Variants in TNS1 observed in about 807,000 individuals in gnomAD.
The protein encoded by TNS1 is tensin 1.
In TNS1, 62 loss-of-function variants were observed where a neutral mutation model predicts 168.6. The observed-to-expected ratio is 0.37, with a 90% CI of 0.30 to 0.45. The LOEUF (loss-of-function observed/expected upper bound fraction) is 0.45, where lower values mean the gene tolerates loss of function less well. Among genes scored for constraint, TNS1 ranks in the 20% least tolerant of loss-of-function variants. The pLI is 1.00. For missense variants in TNS1, 2,240 were observed against 2,339.4 expected, an observed-to-expected ratio of 0.96 and a Z score of 0.88; for synonymous variants, 934 against 933.2, an observed-to-expected ratio of 1.00 and a Z score of -0.02.
At chr2:217,824,314 C>G (rs1251865743) in intron 22 of TNS1, among the ~76,000 whole-genome samples, 1 of 152,224 alleles carries the variant, frequency 6.6e-6, no homozygotes, top group Non-Finnish European at 1.5e-5. Flanking sequence ...GCACCAAAGT[C>G]TCCAGACTCA....
intron 4 of TNS1, 95 bp from the exon 5 acceptor site, chr2:217,907,346 C>A: frequency 2.9e-6 from 2 of 686,000 alleles, no homozygotes; most frequent in South Asian, 1.5e-5. Flanking sequence ...GGGCAGAATG[C>A]CCCCTGAGAC....
rs1267172994 is a variant in TNS1 at position 217,967,150 on chromosome 2, TCTA to T, written c.186+11612_186+11614del. 3.3e-5 allele frequency among the ~76,000 whole-genome samples: 5 copies of T among 151,992 alleles called. No individual in the cohort carries two copies. The South Asian group carries it at 1.0e-3, about 32-fold the overall frequency. On this transcript the variant is annotated intron_variant, in intron 3 of 32. Coordinates refer to ENST00000682258, the MANE Select transcript of TNS1 (RefSeq NM_001387777.1). ...CTGGCTAACACGGTGAAACCCCATC[TCTA>T]CTAAAAATACAAAAAAAATTAGCCA...
chr2:218,002,747 C>CG (rs1958589629), intron 1 of TNS1, 93 bp downstream of exon 1: 1 of 455,296 alleles, frequency 2.2e-6, no homozygotes, highest in Non-Finnish European at 4.4e-6. Flanking sequence ...CCCCCGACCC[C>CG]GGGCTCTCAG....
At chr2:217,889,603 T>C (rs10174633) in intron 12 of TNS1, among the ~76,000 whole-genome samples, 22,091 of 152,260 alleles carry the variant, frequency 0.15, 1,990 homozygotes, top group East Asian at 0.45. Context: ...GGCCCTTCCA[T>C]TTGAATCAGC....
Position 217,858,500 on chromosome 2 carries a change from G to A in TNS1, c.1430-9413C>T, listed in dbSNP as rs369048186. 4.1e-4 allele frequency: 401 copies of A among 973,458 alleles called. 7 individuals carry two copies. The South Asian group carries it at 0.016, about 38-fold the overall frequency. 60.3% of individuals were successfully genotyped at this position (973,458 alleles called of 1,614,324 possible). ...GCCCAGCAGACACTTACCCTCTGGA[G>A]GGAGGGAGGGAGAGGGAGGAAGCGG... On this transcript the variant is annotated intron_variant, in intron 18 of 32. Coordinates refer to ENST00000682258, the MANE Select transcript of TNS1 (RefSeq NM_001387777.1).
intron 18 of TNS1, among the ~76,000 whole-genome samples, chr2:217,871,339 G>A (rs1949757666): frequency 1.3e-5 from 2 of 152,218 alleles, no homozygotes; most frequent in Non-Finnish European, 2.9e-5. Flanking sequence ...CAGGCCAGAA[G>A]GGCTATCCCC....
At chr2:218,031,202 G>C (rs1958893677) in intron 1 of TNS1, among the ~76,000 whole-genome samples, 1 of 146,582 alleles carries the variant, frequency 6.8e-6, no homozygotes, top group African/African-American at 2.7e-5. Context: ...CTGTATGTGT[G>C]TGAGTGTGTC....
chr2:218,019,054 G>A (rs575879379), intron 1 of TNS1, among the ~76,000 whole-genome samples: 2 of 151,694 alleles, frequency 1.3e-5, no homozygotes, highest in African/African-American at 4.9e-5. Context: ...TACAGCCTGG[G>A]CAACAGAGCA....
At position 217,804,453 on chromosome 2, in the gene TNS1, C is replaced by T. The variant is rs747697232; in HGVS notation, c.*6G>A. ...CATGGCACTGGCCCTGGGCAAGGGG[C>T]AGGGTTCATCTCTTTTGGCCGGCAT... On this transcript the variant is annotated 3_prime_UTR_variant, in exon 33 of 33. Transcript: ENST00000682258. 2 of 1,614,022 alleles carry T rather than the reference C, an allele frequency of 1.2e-6. No individual in the cohort carries two copies. Among genetic ancestry groups the T allele is most frequent in the Non-Finnish European group, 1.7e-6 (2 of 1,179,940 alleles).
At chr2:217,907,296 C>T in intron 4 of TNS1, 45 bp from the exon 5 acceptor site, 1 of 702,652 alleles carries the variant, frequency 1.4e-6, no homozygotes. Flanking sequence ...GGGCAGACAT[C>T]CCAGGGATGG....
At chr2:217,893,408 A>ACG (rs1553602144) in intron 10 of TNS1, 31 bp downstream of exon 10, 1 of 1,553,922 alleles carries the variant, frequency 6.4e-7, no homozygotes, top group Non-Finnish European at 8.8e-7. Context: ...GCGCACACAC[A>ACG]CACACACACA....
At chr2:217,982,921 C>T (rs932245061) in intron 2 of TNS1, among the ~76,000 whole-genome samples, 1 of 152,144 alleles carries the variant, frequency 6.6e-6, no homozygotes. Flanking sequence ...AGTAATTAGT[C>T]ATTGTGTCCC....
chr2:217,859,320 C>T (rs1311914621), intron 18 of TNS1: 2 of 354,148 alleles, frequency 5.6e-6, no homozygotes, highest in East Asian at 8.7e-5. Flanking sequence ...AACAATTTTC[C>T]AGCTGCTGAA....
At chr2:218,010,199 G>C (rs1958693252) in exon 1 of TNS1, 1 of 398,936 alleles carries the variant, frequency 2.5e-6, no homozygotes, top group Non-Finnish European at 4.4e-6. Flanking sequence ...GAGTCATGCT[G>C]ACCCCGAGAG....
At chr2:217,940,812 G>C (rs915221987) in intron 3 of TNS1, among the ~76,000 whole-genome samples, 1 of 152,096 alleles carries the variant, frequency 6.6e-6, no homozygotes. Flanking sequence ...TGGGTTTCAA[G>C]CCCACCCGGA....
chr2:217,971,532 T>C (rs1957773703), intron 3 of TNS1, among the ~76,000 whole-genome samples: 1 of 152,214 alleles, frequency 6.6e-6, no homozygotes, highest in African/African-American at 2.4e-5. Flanking sequence ...GCTATGAATA[T>C]TTGTGAACAA....
At chr2:217,826,848 G>A (rs912087543) in intron 22 of TNS1, among the ~76,000 whole-genome samples, 1 of 152,134 alleles carries the variant, frequency 6.6e-6, no homozygotes, top group Non-Finnish European at 1.5e-5. Flanking sequence ...GGGCTCCTCC[G>A]GTCTGGCACT....
rs147048389 is a variant in TNS1, at chr2:217,848,885, G to C, written c.1632C>G (p.Asp544Glu). The change falls in exon 19 of 33, where the codon GAC (aspartate) becomes GAG (glutamate). Residue 544 changes from aspartate to glutamate, a missense_variant. Around this residue, in one of 2 missense-constraint regions of TNS1, gnomAD observed 2,131 missense variants for 2,171.2 expected, o/e 0.98. Coordinates refer to ENST00000682258, the MANE Select transcript of TNS1 (RefSeq NM_001387777.1). Reference protein sequence around the residue: ...STASTKTDKTDEPVPGASSAT... With the variant: ...STASTKTDKTEEPVPGASSAT... ...CACTGGAGGCCCCGGGGACAGGCTC[G>C]TCGGTCTTGTCGGTCTTGGTGGAGG... is the stretch of plus-strand genomic sequence containing the variant. The C allele has an allele frequency of 4.8e-5, 77 of 1,613,994 alleles. No individual in the cohort carries two copies. The highest frequency in any genetic ancestry group is 6.2e-5 in the Non-Finnish European group (73 of 1,180,032).
chr2:217,897,788 C>A lies in TNS1; in HGVS notation c.543+10G>T, dbSNP rs1239940148. The A allele has an allele frequency of 3.2e-6, 5 of 1,586,130 alleles. No homozygotes were observed. The highest frequency in any genetic ancestry group is 4.3e-6 in the Non-Finnish European group (5 of 1,166,216). ...GGCACAGGACAGTGGGCACGAGGAT[C>A]CATCCTCACCAGGTAGTTGCCTCCA... On this transcript the variant is annotated intron_variant, in intron 8 of 32. Transcript: ENST00000682258.
Sources: gnomAD v4.1 joint callset for allele counts (sites outside exome capture counted in the v4.1 genomes callset) on GRCh38, gnomAD v4.1.1 for gene constraint, gnomAD v4.1.1 regional missense constraint, MANE v1.5 for transcripts, NCBI Gene and HGNC (gene_info 2026-07-23, HGNC 2026-07-21) for gene names.